FBXO38: variants seen among roughly 807,000 people sequenced by gnomAD.
FBXO38 encodes the protein F-box only protein 38.
Under a neutral mutation model 131.9 loss-of-function variants are expected in FBXO38, and 53 were observed. The observed-to-expected ratio is 0.40, with a 90% CI of 0.32 to 0.51. The LOEUF (loss-of-function observed/expected upper bound fraction) is 0.51, where lower values mean the gene tolerates loss of function less well. Among genes scored for constraint, FBXO38 ranks in the 20% least tolerant of loss-of-function variants. The pLI is 0.53. For synonymous variants in FBXO38, 452 were observed against 505.6 expected (o/e 0.89, Z 1.42); for missense variants, 1,076 against 1,475.6 (o/e 0.73, Z 4.44).
rs569056508 is a variant in FBXO38, at chr5:148,414,384, A to G, written c.1264+78A>G. The G allele has an allele frequency of 3.7e-5, 45 of 1,227,496 alleles. 1 individual carries two copies. The South Asian group carries it at 6.3e-4, about 17-fold the overall frequency. The allele number at this position is 1,227,496 out of a possible 1,614,324, so 76.0% of individuals were successfully genotyped here. ...ACTTTCCATGTTTTCTATGTGTGATATGATTGCATTCCTAATGTAAAATGT... is the reference window on the plus strand; with the variant it reads ...ACTTTCCATGTTTTCTATGTGTGATGTGATTGCATTCCTAATGTAAAATGT... On this transcript the variant is annotated intron_variant, in intron 10 of 21. Coordinates refer to ENST00000340253, the MANE Select transcript of FBXO38 (RefSeq NM_205836.3).
In FBXO38 at chr5:148,402,514, G is replaced by C; in HGVS notation, c.592+1G>C. ...AAAATTCAAACTTTACATTTAGTTG[G>C]TGAGTACATGTTTCTTGGGTCACTT... On this transcript the variant is annotated splice_donor_variant, in intron 5 of 21. Coordinates refer to ENST00000340253, the MANE Select transcript of FBXO38 (RefSeq NM_205836.3). LOFTEE classifies it high-confidence loss of function. 1 of 1,603,722 alleles carries C rather than the reference G, an allele frequency of 6.2e-7. No individual in the cohort carries two copies. Among genetic ancestry groups the C allele is most frequent in the Non-Finnish European group, 8.5e-7 (1 of 1,173,614 alleles).
chr5:148,428,172 T>C (rs1412315925), intron 15 of FBXO38, among the ~76,000 whole-genome samples: 3 of 152,190 alleles, frequency 2.0e-5, no homozygotes, highest in African/African-American at 7.2e-5. Context: ...TAGTTCAGCT[T>C]TTAAGGAAAA....
chr5:148,404,542 T>C (rs1053959198), intron 5 of FBXO38, 143 bp from the exon 6 acceptor site: 3 of 716,056 alleles, frequency 4.2e-6, no homozygotes, highest in Non-Finnish European at 6.2e-6. Context: ...GCAAACTTGA[T>C]AGATTTTGTA....
intron 2 of FBXO38, among the ~76,000 whole-genome samples, chr5:148,396,454 C>A (rs982162285): frequency 4.6e-5 from 7 of 151,956 alleles, no homozygotes; most frequent in African/African-American, 1.5e-4. Context: ...ATGTCTCAAC[C>A]TACAAACCAT....
rs761885522 is a variant in FBXO38 at position 148,414,563 on chromosome 5, C to T, written c.1264+257C>T. Among the ~76,000 whole-genome samples, 141 of 152,088 alleles carry T rather than the reference C, an allele frequency of 9.3e-4. 1 individual carries two copies. Among genetic ancestry groups the T allele is most frequent in the Admixed American group, 5.2e-3 (80 of 15,252 alleles). ...TCAAGTGCCCTGATTTTTATATGTA[C>T]TTCTTTGGGCTAGGAACATAAAATT... On this transcript the variant is annotated intron_variant, in intron 10 of 21. Transcript: ENST00000340253.
intron 12 of FBXO38, among the ~76,000 whole-genome samples, chr5:148,422,554 A>T (rs970612657): frequency 6.6e-6 from 1 of 152,218 alleles, no homozygotes; most frequent in Non-Finnish European, 1.5e-5. Context: ...CCCCAACTAG[A>T]GTAAGCCATG....
intron 15 of FBXO38, among the ~76,000 whole-genome samples, chr5:148,429,848 ACTTTTT>A (rs1243737027): frequency 1.3e-5 from 2 of 151,980 alleles, no homozygotes; most frequent in African/African-American, 4.8e-5. Context: ...CATGTCTAGA[ACTTTTT>A]CTTAAGTTAA....
chr5:148,421,049 C>A (rs908599925), intron 12 of FBXO38, among the ~76,000 whole-genome samples: 1 of 151,976 alleles, frequency 6.6e-6, no homozygotes, highest in South Asian at 2.1e-4. Flanking sequence ...TCACTACAAC[C>A]TCCGCCTCCT....
intron 18 of FBXO38, among the ~76,000 whole-genome samples, chr5:148,438,915 A>G (rs944314596): frequency 1.3e-5 from 2 of 152,214 alleles, no homozygotes; most frequent in African/African-American, 4.8e-5. Flanking sequence ...TAGTGTCATT[A>G]TCATTATTAA....
chr5:148,428,033 C>T, intron 15 of FBXO38, 86 bp downstream of exon 15: 1 of 1,362,282 alleles, frequency 7.3e-7, no homozygotes, highest in Non-Finnish European at 9.6e-7. Context: ...TTACAAAAAG[C>T]CAGTTTGGCA....
chr5:148,425,572 G>A lies in FBXO38; in HGVS notation c.1789G>A (p.Asp597Asn). ...VVKPTSITVH[D>N]SESDDEEDSL... ...AAAACCAACCTCAATTACTGTTCAT[G>A]ATTCAGAGAGTGATGATGAAGAAGA... The change falls in exon 14 of 22, where the codon GAT becomes AAT. Residue 597 changes from aspartate (D) to asparagine (N), a missense_variant. Asp to Asn is a conservative substitution (Grantham distance 23). Coordinates refer to ENST00000340253, the MANE Select transcript of FBXO38 (RefSeq NM_205836.3). 2 of 1,613,590 alleles carry A rather than the reference G, an allele frequency of 1.2e-6. No individual in the cohort carries two copies. Among genetic ancestry groups the A allele is most frequent in the South Asian group, 2.2e-5 (2 of 91,054 alleles).
rs1752206103 is a variant in FBXO38, at chr5:148,402,386, T to C, written c.465T>C (p.Ile155=). The change falls in exon 5 of 22, where the codon ATT becomes ATC. Residue 155 remains isoleucine, a synonymous_variant. Transcript: ENST00000340253. ...CTCATTTGGAGTTGGTAGAATCCAT[T>C]TGGACATATATGCCCCATGTTCATA... is the stretch of plus-strand genomic sequence containing the variant. ...ETSHLELVES[I]WTYMPHVHIL... The C allele has an allele frequency of 1.2e-6, 2 of 1,612,266 alleles. No homozygotes were observed. Among genetic ancestry groups the C allele is most frequent in the Non-Finnish European group, 1.7e-6 (2 of 1,178,758 alleles).
At position 148,417,031 on chromosome 5, in the gene FBXO38, T is replaced by A. The variant is rs1286988303; in HGVS notation, c.1445T>A (p.Ile482Asn). The change falls in exon 12 of 22, where the codon ATT becomes AAT. Residue 482 changes from isoleucine (I) to asparagine (N), a missense_variant. Physicochemically the swap from Ile to Asn is moderately radical, Grantham distance 149 (BLOSUM62 -3). Transcript: ENST00000340253. ...GTTGGTCTGAGTGCAGGCACAGGAA[T>A]TGGTGTTTCATCAGCTCTTGTTAGC... ...ARVGLSAGTG[I>N]GVSSALVSNQ... 6.2e-7 allele frequency: 1 copy of A among 1,613,850 alleles called. No individual in the cohort carries two copies. The highest frequency in any genetic ancestry group is 1.1e-5 in the South Asian group (1 of 91,082).
intron 10 of FBXO38, among the ~76,000 whole-genome samples, chr5:148,414,700 T>C (rs1486465826): frequency 6.6e-6 from 1 of 152,154 alleles, no homozygotes. Context: ...TGTTGAACTT[T>C]AATTAAGTGA....
chr5:148,406,105 CT>C (rs1752430553), intron 6 of FBXO38, 151 bp from the exon 7 acceptor site: 5 of 666,522 alleles, frequency 7.5e-6, no homozygotes, highest in Non-Finnish European at 1.2e-5. Context: ...TAGGCTAACA[CT>C]TTCATTTGTA....
At position 148,409,150 on chromosome 5, in the gene FBXO38, G is replaced by T; in HGVS notation, c.895G>T (p.Val299Phe). Residue 299 changes from valine to phenylalanine, a missense_variant, in exon 8 of 22, where the codon GTT becomes TTT. Coordinates refer to ENST00000340253, the MANE Select transcript of FBXO38 (RefSeq NM_205836.3). Reference sequence around the variant, plus strand: ...TGGTTTTAGAAATTTGCACACTATTGTTCTGGGAGCTTGCAAAAATGCTCT... The same window carrying T: ...TGGTTTTAGAAATTTGCACACTATTTTTCTGGGAGCTTGCAAAAATGCTCT... ...SGGFRNLHTIVLGACKNALEV... is the reference protein window; with the variant it reads ...SGGFRNLHTIFLGACKNALEV... The T allele has an allele frequency of 6.2e-7, 1 of 1,612,996 alleles. No individual in the cohort carries two copies. Among genetic ancestry groups the T allele is most frequent in the Non-Finnish European group, 8.5e-7 (1 of 1,179,142 alleles).
intron 1 of FBXO38, among the ~76,000 whole-genome samples, chr5:148,387,009 G>A (rs1757947494): frequency 6.6e-6 from 1 of 152,116 alleles, no homozygotes; most frequent in African/African-American, 2.4e-5. Flanking sequence ...ACTGATCAGG[G>A]TGGTGGTTGC....
intron 12 of FBXO38, among the ~76,000 whole-genome samples, chr5:148,420,768 T>G (rs1170518585): frequency 6.6e-6 from 1 of 152,150 alleles, no homozygotes; most frequent in East Asian, 1.9e-4. Context: ...AGCACATTGC[T>G]GATTTTTGCC....
At chr5:148,410,425 T>A (rs1752682971) in intron 8 of FBXO38, 1 of 569,562 alleles carries the variant, frequency 1.8e-6, no homozygotes, top group African/African-American at 1.9e-5. Flanking sequence ...TCAGTCAAGA[T>A]GTGACTTGCT....
Sources: allele counts gnomAD v4.1 joint callset (sites outside exome capture counted in the v4.1 genomes callset), GRCh38; gene constraint gnomAD v4.1.1; transcripts MANE v1.5; gene names NCBI Gene and HGNC (gene_info 2026-07-23, HGNC 2026-07-21).